Variants in ADGRB3 observed in about 807,000 individuals in gnomAD.
ADGRB3 encodes the protein adhesion G protein-coupled receptor B3, also known as brain-specific angiogenesis inhibitor 3.
In ADGRB3, 37 loss-of-function variants were observed where a neutral mutation model predicts 193.4. The ratio of observed to expected loss-of-function variants is 0.19; its 90% confidence interval spans 0.15 to 0.25. The LOEUF (loss-of-function observed/expected upper bound fraction) is 0.25, where lower values mean the gene tolerates loss of function less well. Among genes scored for constraint, ADGRB3 ranks in the 10% least tolerant of loss-of-function variants. ADGRB3 has a pLI of 1.00. For missense variants in ADGRB3, 1,637 were observed against 1,852.9 expected, an observed-to-expected ratio of 0.88 and a Z score of 2.14; for synonymous variants, 690 against 644.2, an observed-to-expected ratio of 1.07 and a Z score of -1.08.
chr6:69,343,150 AT>A lies in ADGRB3; in HGVS notation c.3459+3655del, dbSNP rs996402391. Among the ~76,000 whole-genome samples the A allele has an allele frequency of 8.0e-4, 109 of 135,496 alleles. 1 individual carries two copies. In the South Asian group the frequency reaches 9.5e-3, roughly 12 times the overall value. The allele number at this position is 135,496 out of a possible 152,430, so 88.9% of individuals were successfully genotyped here. ...GAGCCTAATTTATTTTATTTTTTTT[AT>A]TTTTTTTTATTTTTTTTTCCTGCCT... On this transcript the variant is annotated intron_variant, in intron 26 of 31. Coordinates refer to ENST00000370598, the MANE Select transcript of ADGRB3 (RefSeq NM_001704.3).
intron 11 of ADGRB3, among the ~76,000 whole-genome samples, chr6:68,997,147 A>C (rs1562115368): frequency 1.3e-5 from 2 of 152,236 alleles, no homozygotes; most frequent in African/African-American, 4.8e-5. Context: ...ACTAACTACT[A>C]CAGACAGAAT....
chr6:68,790,224 C>A (rs185531507), intron 3 of ADGRB3, among the ~76,000 whole-genome samples: 2 of 152,128 alleles, frequency 1.3e-5, no homozygotes, highest in Non-Finnish European at 2.9e-5. Context: ...GCTAGCACAG[C>A]GTCCGAGATC....
chr6:69,210,149 C>CTCATATATATATATATATATATATATAT (rs369330249), intron 17 of ADGRB3, among the ~76,000 whole-genome samples: 1 of 78,940 alleles, frequency 1.3e-5, no homozygotes, highest in Non-Finnish European at 2.5e-5. Flanking sequence ...TAATATATAT[C>CTCATATATATATATATATATATATATAT]ATATATATAT....
intron 17 of ADGRB3, among the ~76,000 whole-genome samples, chr6:69,161,135 A>G (rs994568218): frequency 6.6e-6 from 1 of 152,128 alleles, no homozygotes; most frequent in African/African-American, 2.4e-5. Context: ...GATAATACAT[A>G]AAATGGTTAT....
chr6:69,267,816 T>C (rs1305666567), intron 20 of ADGRB3, among the ~76,000 whole-genome samples: 2 of 152,136 alleles, frequency 1.3e-5, no homozygotes, highest in Non-Finnish European at 2.9e-5. Flanking sequence ...AAGAGACTTA[T>C]GATATTGAGT....
In ADGRB3 at chr6:69,132,290, T is replaced by C. The variant is rs371680436; in HGVS notation, c.2480+56252T>C. Among the ~76,000 whole-genome samples the C allele has an allele frequency of 6.6e-5, 10 of 152,282 alleles. 1 individual carries two copies. The highest frequency in any genetic ancestry group is 1.9e-4 in the African/African-American group (8 of 41,556). Reference sequence around the variant, plus strand: ...TCCACATCTTCTCCAGCATCTGTTGTTTCCTGACTTTTTAATGATTGCCAT... The same window carrying C: ...TCCACATCTTCTCCAGCATCTGTTGCTTCCTGACTTTTTAATGATTGCCAT... On this transcript the variant is annotated intron_variant, in intron 17 of 31. Transcript: ENST00000370598.
At chr6:68,753,858 A>T (rs1562016422) in intron 3 of ADGRB3, among the ~76,000 whole-genome samples, 1 of 152,030 alleles carries the variant, frequency 6.6e-6, no homozygotes, top group African/African-American at 2.4e-5. Flanking sequence ...CCCAGTTGAA[A>T]TTTTTTTTCT....
At chr6:68,870,107 C>T (rs1361282211) in intron 3 of ADGRB3, among the ~76,000 whole-genome samples, 1 of 152,154 alleles carries the variant, frequency 6.6e-6, no homozygotes, top group South Asian at 2.1e-4. Flanking sequence ...AATGTGGAAG[C>T]CAAACTTATC....
chr6:68,806,024 C>T (rs1282967431), intron 3 of ADGRB3, among the ~76,000 whole-genome samples: 2 of 152,306 alleles, frequency 1.3e-5, no homozygotes, highest in East Asian at 3.9e-4. Flanking sequence ...AATCTGAATA[C>T]TGTGGCTCAC....
At chr6:68,793,436 T>A (rs921093270) in intron 3 of ADGRB3, among the ~76,000 whole-genome samples, 5 of 152,186 alleles carry the variant, frequency 3.3e-5, no homozygotes, top group African/African-American at 1.2e-4. Context: ...TATCTTTATA[T>A]CCTTTCTAGT....
chr6:69,095,854 G>A (rs1467966964), intron 17 of ADGRB3, among the ~76,000 whole-genome samples: 1 of 152,062 alleles, frequency 6.6e-6, no homozygotes, highest in Non-Finnish European at 1.5e-5. Flanking sequence ...TTGTACTGTT[G>A]TATTGCATAT....
intron 21 of ADGRB3, among the ~76,000 whole-genome samples, chr6:69,326,141 G>A (rs2127309954): frequency 6.6e-6 from 1 of 152,264 alleles, no homozygotes; most frequent in African/African-American, 2.4e-5. Context: ...TACTCGGGAG[G>A]CTAAGGTGGG....
intron 3 of ADGRB3, among the ~76,000 whole-genome samples, chr6:68,812,837 C>T (rs1486407019): frequency 6.6e-6 from 1 of 151,754 alleles, no homozygotes; most frequent in Non-Finnish European, 1.5e-5. Context: ...CCCCCAACCC[C>T]CCACAGGCCC....
chr6:68,852,684 T>G (rs1023933562), intron 3 of ADGRB3, among the ~76,000 whole-genome samples: 1 of 152,058 alleles, frequency 6.6e-6, no homozygotes, highest in African/African-American at 2.4e-5. Flanking sequence ...AGAAAAAAGC[T>G]ATATAAGCAT....
At chr6:68,641,519 ATGT>A (rs1768081947) in intron 3 of ADGRB3, among the ~76,000 whole-genome samples, 1 of 152,220 alleles carries the variant, frequency 6.6e-6, no homozygotes. Flanking sequence ...GTGCAGTATG[ATGT>A]TAATAGAGTT....
chr6:69,011,850 T>C (rs1019411214), intron 11 of ADGRB3, among the ~76,000 whole-genome samples: 3 of 151,988 alleles, frequency 2.0e-5, no homozygotes, highest in Non-Finnish European at 4.4e-5. Context: ...TGCCCCTACA[T>C]GGATTTCATT....
chr6:69,103,116 C>G (rs1273228506), intron 17 of ADGRB3, among the ~76,000 whole-genome samples: 1 of 152,010 alleles, frequency 6.6e-6, no homozygotes, highest in African/African-American at 2.4e-5. Context: ...AAAAAAAAAT[C>G]ACAAATAAAA....
At chr6:69,008,283 A>G (rs924117554) in intron 11 of ADGRB3, among the ~76,000 whole-genome samples, 4 of 152,130 alleles carry the variant, frequency 2.6e-5, no homozygotes, top group Non-Finnish European at 5.9e-5. Flanking sequence ...CTTGTTCACT[A>G]TCATATTCAC....
At chr6:69,044,620 G>C (rs778657432) in intron 13 of ADGRB3, among the ~76,000 whole-genome samples, 1 of 152,160 alleles carries the variant, frequency 6.6e-6, no homozygotes, top group Non-Finnish European at 1.5e-5. Context: ...TGCTCTTAAA[G>C]GAATTTTATG....
Sources: gnomAD v4.1 joint callset for allele counts (sites outside exome capture counted in the v4.1 genomes callset) on GRCh38, gnomAD v4.1.1 for gene constraint, MANE v1.5 for transcripts, NCBI Gene and HGNC (gene_info 2026-07-23, HGNC 2026-07-21) for gene names.